LMNTD1: variants seen among roughly 807,000 people sequenced by gnomAD.
LMNTD1 encodes lamin tail domain containing 1.
In LMNTD1, 35 loss-of-function variants were observed where a neutral mutation model predicts 50.9. The ratio of observed to expected loss-of-function variants is 0.69; its 90% confidence interval spans 0.53 to 0.91. LMNTD1 has a LOEUF of 0.91. LMNTD1 is among the 40% of genes least tolerant of loss of function. LMNTD1 has a pLI of 0.00. For missense variants in LMNTD1, 470 were observed against 475.5 expected (o/e 0.99, Z 0.11); for synonymous variants, 153 against 161.9 (o/e 0.94, Z 0.42).
At position 25,520,140 on chromosome 12, in the gene LMNTD1, A is replaced by T. The variant is rs1471913695; in HGVS notation, c.799-65T>A. On this transcript the variant is annotated intron_variant, in intron 6 of 9. Transcript: ENST00000458174. ...GAGGTTTACAACATGCTGTTATGAG[A>T]TATACATATATATATATATATATAT... The T allele has an allele frequency of 1.4e-4, 7 of 50,940 alleles. No homozygotes were observed. In the South Asian group the frequency reaches 3.8e-3, roughly 27 times the overall value. 3.2% of individuals were successfully genotyped at this position (50,940 alleles called of 1,614,324 possible).
chr12:25,630,079 G>A (rs1256120867), intron 1 of LMNTD1, among the ~76,000 whole-genome samples: 1 of 152,150 alleles, frequency 6.6e-6, no homozygotes, highest in South Asian at 2.1e-4. Context: ...CTTTTGGGGG[G>A]AGGAGAAAAT....
chr12:25,518,709 A>G, intron 8 of LMNTD1, 86 bp downstream of exon 8: 3 of 1,181,970 alleles, frequency 2.5e-6, no homozygotes, highest in Non-Finnish European at 3.7e-6. Flanking sequence ...AACACTTAGC[A>G]CATTTTAACC....
At chr12:25,605,678 C>A (rs1946083529) in intron 1 of LMNTD1, among the ~76,000 whole-genome samples, 1 of 152,082 alleles carries the variant, frequency 6.6e-6, no homozygotes, top group African/African-American at 2.4e-5. Context: ...TTTCTGAGAG[C>A]TCTGTTCTGT....
chr12:25,489,591 C>A (rs1005159751), intron 9 of LMNTD1, among the ~76,000 whole-genome samples: 1 of 150,562 alleles, frequency 6.6e-6, no homozygotes, highest in Non-Finnish European at 1.5e-5. Context: ...CAGTCTTCTG[C>A]GTCGCTCACG....
intron 1 of LMNTD1, among the ~76,000 whole-genome samples, chr12:25,600,356 C>A (rs1309221677): frequency 6.6e-6 from 1 of 151,956 alleles, no homozygotes; most frequent in African/African-American, 2.4e-5. Context: ...TACAAGAAAA[C>A]GTTGAGGAAA....
At chr12:25,530,441 C>A (rs1349268178) in intron 4 of LMNTD1, among the ~76,000 whole-genome samples, 3 of 152,036 alleles carry the variant, frequency 2.0e-5, no homozygotes, top group African/African-American at 7.2e-5. Context: ...CTTTGAACAG[C>A]TTTGTTTGTA....
chr12:25,544,597 G>A (rs1357365227), intron 4 of LMNTD1, among the ~76,000 whole-genome samples: 1 of 151,342 alleles, frequency 6.6e-6, no homozygotes, highest in East Asian at 1.9e-4. Context: ...CTTGTTTTTG[G>A]GTTGTTTTAT....
At chr12:25,489,213 G>A (rs900450088) in intron 9 of LMNTD1, among the ~76,000 whole-genome samples, 3 of 151,580 alleles carry the variant, frequency 2.0e-5, no homozygotes, top group Non-Finnish European at 2.9e-5. Context: ...AATGGCGGGC[G>A]CCCCTCCCCC....
intron 1 of LMNTD1, among the ~76,000 whole-genome samples, chr12:25,620,446 CT>C (rs140533290): frequency 0.024 from 3,612 of 151,848 alleles, 48 homozygotes; most frequent in East Asian, 0.041. Context: ...TTTCTAGTTT[CT>C]TTTTTGTTGT....
intron 1 of LMNTD1, among the ~76,000 whole-genome samples, chr12:25,593,770 A>G (rs2136485497): frequency 6.6e-6 from 1 of 152,066 alleles, no homozygotes; most frequent in African/African-American, 2.4e-5. Flanking sequence ...GGGAGGCACC[A>G]GAGAAAGTCA....
chr12:25,521,326 C>A (rs1941305019), intron 6 of LMNTD1, among the ~76,000 whole-genome samples: 1 of 152,120 alleles, frequency 6.6e-6, no homozygotes, highest in Non-Finnish European at 1.5e-5. Flanking sequence ...CCCCTATGTT[C>A]TTTCCCAGCA....
chr12:25,538,160 T>C (rs1942758119), intron 4 of LMNTD1, among the ~76,000 whole-genome samples: 1 of 78,814 alleles, frequency 1.3e-5, no homozygotes, highest in Non-Finnish European at 3.1e-5. Context: ...CAGGATATTA[T>C]CCAGGAGAAT....
intron 9 of LMNTD1, among the ~76,000 whole-genome samples, chr12:25,484,943 T>G (rs1170199044): frequency 6.6e-6 from 1 of 151,672 alleles, no homozygotes; most frequent in Non-Finnish European, 1.5e-5. Context: ...TTTGCTATTG[T>G]GAATAATGCT....
chr12:25,590,478 A>C (rs895899120), intron 1 of LMNTD1, among the ~76,000 whole-genome samples: 1 of 152,192 alleles, frequency 6.6e-6, no homozygotes, highest in Non-Finnish European at 1.5e-5. Flanking sequence ...CTAGGCCACA[A>C]GGACTGCAAC....
intron 4 of LMNTD1, among the ~76,000 whole-genome samples, chr12:25,544,848 G>GA (rs1943330886): frequency 1.3e-5 from 2 of 151,602 alleles, no homozygotes. Flanking sequence ...TAGAAACAAA[G>GA]AAAAAATCTC....
chr12:25,645,149 G>A (rs762089018), intron 1 of LMNTD1, among the ~76,000 whole-genome samples: 1 of 152,194 alleles, frequency 6.6e-6, no homozygotes, highest in Non-Finnish European at 1.5e-5. Context: ...TAATCTCTAG[G>A]CATAGAGAAA....
At chr12:25,506,476 AC>A (rs1939790156) in intron 8 of LMNTD1, among the ~76,000 whole-genome samples, 1 of 152,188 alleles carries the variant, frequency 6.6e-6, no homozygotes, top group African/African-American at 2.4e-5. Flanking sequence ...AATGCAAAAT[AC>A]TATCTTCAGA....
chr12:25,484,307 C>T (rs971602026), intron 9 of LMNTD1, among the ~76,000 whole-genome samples: 2 of 151,746 alleles, frequency 1.3e-5, no homozygotes, highest in African/African-American at 4.9e-5. Flanking sequence ...CTATGTTGCC[C>T]AGGCTGGTCT....
At chr12:25,567,299 T>C (rs963954851) in intron 1 of LMNTD1, among the ~76,000 whole-genome samples, 8 of 152,250 alleles carry the variant, frequency 5.3e-5, no homozygotes, top group African/African-American at 1.9e-4. Flanking sequence ...TTAGTGTTTA[T>C]TGTTGTACTG....
Sources: allele counts gnomAD v4.1 joint callset (sites outside exome capture counted in the v4.1 genomes callset), GRCh38; gene constraint gnomAD v4.1.1; transcripts MANE v1.5; gene names NCBI Gene and HGNC (gene_info 2026-07-23, HGNC 2026-07-21).